EMC2: variants seen among roughly 807,000 people sequenced by gnomAD.
EMC2 encodes the protein ER membrane protein complex subunit 2.
Under a neutral mutation model 51.6 loss-of-function variants are expected in EMC2, and 37 were observed. That is an observed-to-expected ratio of 0.72 (90% CI 0.55 to 0.94). The LOEUF is 0.94. Ranked by LOEUF, EMC2 falls within the 40% of genes least tolerant of loss-of-function variation. The pLI, the probability that EMC2 is intolerant of heterozygous loss-of-function variation, is 0.00. For synonymous variants in EMC2, 131 were observed against 112.4 expected (o/e 1.17, Z -1.04); for missense variants, 359 against 350.9 (o/e 1.02, Z -0.18).
At chr8:108,451,448 G>A (rs915676436) in intron 3 of EMC2, among the ~76,000 whole-genome samples, 4 of 151,952 alleles carry the variant, frequency 2.6e-5, no homozygotes, top group South Asian at 2.1e-4. Context: ...CTTAAGTACC[G>A]CTTCATGCTG....
Position 108,476,777 on chromosome 8 carries a change from A to C in EMC2, c.592-5A>C. The stretch of plus-strand genomic sequence containing the variant: ...CAGTTTTCAGCACTTTGCAATTTTT[A>C]ACAGGTTAAGTATACCCAAGGTGGA... On this transcript the variant is annotated splice_region_variant and splice_polypyrimidine_tract_variant and intron_variant, in intron 8 of 10. Transcript: ENST00000220853. 1 of 1,428,454 alleles carries C rather than the reference A, an allele frequency of 7.0e-7. No homozygotes were observed. The highest frequency in any genetic ancestry group is 9.9e-7 in the Non-Finnish European group (1 of 1,012,178). 88.5% of individuals were successfully genotyped at this position (1,428,454 alleles called of 1,614,324 possible).
At chr8:108,479,786 G>A (rs1811014227) in intron 10 of EMC2, among the ~76,000 whole-genome samples, 3 of 151,942 alleles carry the variant, frequency 2.0e-5, no homozygotes, top group Admixed American at 1.3e-4. Flanking sequence ...TAATATAGAC[G>A]AGATCTTGCT....
In EMC2 at chr8:108,443,635, C is replaced by T. The variant is rs767397271; in HGVS notation, c.-24C>T. On this transcript the variant is annotated 5_prime_UTR_variant, in exon 1 of 11. Coordinates refer to ENST00000220853, the MANE Select transcript of EMC2 (RefSeq NM_014673.5). ...GACTGCGTCTCCCCGCCCTCTCACC[C>T]CGCTGCCTCTAGGTTCTGGGAAGAT... 7 of 1,603,164 alleles carry T rather than the reference C, an allele frequency of 4.4e-6. No individual in the cohort carries two copies. The highest frequency in any genetic ancestry group is 1.7e-5 in the Admixed American group (1 of 58,694).
At chr8:108,462,222 T>TGTGTGTGTGTGTGTGTGTAC (rs71303986) in intron 5 of EMC2, among the ~76,000 whole-genome samples, 1 of 151,556 alleles carries the variant, frequency 6.6e-6, no homozygotes, top group Non-Finnish European at 1.5e-5. Context: ...TTTGTGTGCG[T>TGTGTGTGTGTGTGTGTGTAC]GTGTGTGTAT....
chr8:108,464,975 C>T (rs1487842520), intron 5 of EMC2, among the ~76,000 whole-genome samples: 1 of 152,128 alleles, frequency 6.6e-6, no homozygotes, highest in African/African-American at 2.4e-5. Flanking sequence ...TTCTGGGTCC[C>T]TGAGTCTGGA....
In EMC2 at chr8:108,476,815, G is replaced by GA. The variant is rs1563701463; in HGVS notation, c.627dup (p.Leu210ThrfsTer33). 1 of 1,604,372 alleles carries GA rather than the reference G, an allele frequency of 6.2e-7. No homozygotes were observed. Among genetic ancestry groups the GA allele is most frequent in the Non-Finnish European group, 8.5e-7 (1 of 1,172,032 alleles). The stretch of plus-strand genomic sequence containing the variant: ...TACCCAAGGTGGACTTGAAAACCTC[G>GA]AACTTTCAAGAAAGTATTTTGCACA... On this transcript the variant is annotated frameshift_variant, in exon 9 of 11. Transcript: ENST00000220853. LOFTEE classifies it high-confidence loss of function.
intron 1 of EMC2, 33 bp downstream of exon 1, chr8:108,443,731 T>C: frequency 7.5e-6 from 12 of 1,589,700 alleles, no homozygotes; most frequent in Non-Finnish European, 1.0e-5. Flanking sequence ...GCGGAAAGAC[T>C]AAAAGCGCTG....
intron 3 of EMC2, 137 bp from the exon 4 acceptor site, chr8:108,452,925 C>T (rs56302006): frequency 2.3e-4 from 109 of 464,686 alleles, no homozygotes; most frequent in African/African-American, 2.1e-3. Flanking sequence ...TTATTTGTTA[C>T]TGATTAATTT....
chr8:108,444,513 C>G (rs1328513295), intron 1 of EMC2, among the ~76,000 whole-genome samples: 1 of 151,880 alleles, frequency 6.6e-6, no homozygotes. Context: ...ATTCATATTC[C>G]CAGCATTTAA....
chr8:108,488,010 C>T lies in EMC2; in HGVS notation c.*1412C>T, dbSNP rs1201936160. ...AACATGATGAACCATTTGAAATTTA[C>T]ATTTTCTGTAAAGAAAATAGTGCCT... On this transcript the variant is annotated 3_prime_UTR_variant, in exon 11 of 11. Transcript: ENST00000220853. 6.6e-6 allele frequency among the ~76,000 whole-genome samples: 1 copy of T among 152,130 alleles called. No homozygotes were observed. The highest frequency in any genetic ancestry group is 1.5e-5 in the Non-Finnish European group (1 of 68,018).
At chr8:108,447,739 T>C (rs1387318040) in intron 1 of EMC2, among the ~76,000 whole-genome samples, 2 of 152,064 alleles carry the variant, frequency 1.3e-5, no homozygotes, top group African/African-American at 4.8e-5. Context: ...GCACAGTAGT[T>C]AATAAAATGT....
rs869102478 is a variant in EMC2 at position 108,466,442 on chromosome 8, A to ATTTTTTTTTTT, written c.364-3366_364-3356dup. ...ATTATGCTAAGGAAGCTATGATAGA[A>ATTTTTTTTTTT]TTTTTTTTTTTTTTTTTTTTTTTTT... On this transcript the variant is annotated intron_variant, in intron 5 of 10. Transcript: ENST00000220853. Among the ~76,000 whole-genome samples the ATTTTTTTTTTT allele has an allele frequency of 1.1e-3, 99 of 91,056 alleles. 2 individuals carry two copies. Among genetic ancestry groups the ATTTTTTTTTTT allele is most frequent in the African/African-American group, 4.5e-3 (96 of 21,184 alleles). 59.7% of individuals were successfully genotyped at this position (91,056 alleles called of 152,430 possible).
chr8:108,482,905 A>G (rs1811073745), intron 10 of EMC2, among the ~76,000 whole-genome samples: 1 of 151,962 alleles, frequency 6.6e-6, no homozygotes, highest in Non-Finnish European at 1.5e-5. Flanking sequence ...ATTTTTATGT[A>G]TGATGTGAAA....
rs763295194 is a variant in EMC2, at chr8:108,443,707, G to T, written c.40+9G>T. 20 of 1,604,368 alleles carry T rather than the reference G, an allele frequency of 1.2e-5. No homozygotes were observed. Among genetic ancestry groups the T allele is most frequent in the Admixed American group, 1.7e-5 (1 of 58,838 alleles). On this transcript the variant is annotated intron_variant, in intron 1 of 10. Coordinates refer to ENST00000220853, the MANE Select transcript of EMC2 (RefSeq NM_014673.5). ...CGATGTCACTTGGGAAGGTAACTTC[G>T]GGTGGGGGCGGGTGCGGAAAGACTA...
chr8:108,466,508 A>G (rs1284988524), intron 5 of EMC2, among the ~76,000 whole-genome samples: 1 of 128,470 alleles, frequency 7.8e-6, no homozygotes, highest in African/African-American at 3.0e-5. Flanking sequence ...GCTGGATTGC[A>G]GTGAGGCAAT....
rs139695424 is a variant in EMC2 at position 108,462,355 on chromosome 8, G to A, written c.363+6425G>A. Among the ~76,000 whole-genome samples, 409 of 152,242 alleles carry A rather than the reference G, an allele frequency of 2.7e-3. 3 individuals are homozygous for A. Among genetic ancestry groups the A allele is most frequent in the African/African-American group, 9.1e-3 (379 of 41,542 alleles). On this transcript the variant is annotated intron_variant, in intron 5 of 10. Coordinates refer to ENST00000220853, the MANE Select transcript of EMC2 (RefSeq NM_014673.5). Reference sequence around the variant, plus strand: ...ATCCTGTTGAGTAGGATTGCATTGCGTGGATATATAGTCCCTTGTCTTGAT... The same window carrying A: ...ATCCTGTTGAGTAGGATTGCATTGCATGGATATATAGTCCCTTGTCTTGAT...
At chr8:108,449,960 G>A in intron 2 of EMC2, 24 bp downstream of exon 2, 2 of 1,082,262 alleles carry the variant, frequency 1.8e-6, no homozygotes, top group South Asian at 1.3e-5. Flanking sequence ...TTACATTCAG[G>A]CTCAGTACAT....
chr8:108,488,198 T>C lies in EMC2; in HGVS notation c.*1600T>C, dbSNP rs1317868617. Among the ~76,000 whole-genome samples the C allele has an allele frequency of 1.3e-5, 2 of 150,752 alleles. No homozygotes were observed. The highest frequency in any genetic ancestry group is 2.4e-5 in the African/African-American group (1 of 40,866). On this transcript the variant is annotated 3_prime_UTR_variant, in exon 11 of 11. Transcript: ENST00000220853. The stretch of plus-strand genomic sequence containing the variant: ...TTTTTTTTTTTTGAGACAGTCTCGT[T>C]CTGTCACCCAGGCTGGAGTGCAGTG...
chr8:108,449,721 C>T (rs1009859112), intron 1 of EMC2, 102 bp from the exon 2 acceptor site: 1 of 573,978 alleles, frequency 1.7e-6, no homozygotes. Flanking sequence ...ATTTTCCTTA[C>T]CTAAAAAGCT....
Sources: gnomAD v4.1 joint callset for allele counts (sites outside exome capture counted in the v4.1 genomes callset) on GRCh38, gnomAD v4.1.1 for gene constraint, MANE v1.5 for transcripts, NCBI Gene and HGNC (gene_info 2026-07-23, HGNC 2026-07-21) for gene names.